FSD1L: variants seen among roughly 807,000 people sequenced by gnomAD.
The protein encoded by FSD1L is FSD1-like protein.
In FSD1L, 45 loss-of-function variants were observed where a neutral mutation model predicts 71.6. The ratio of observed to expected loss-of-function variants is 0.63; its 90% CI spans 0.49 to 0.81. The LOEUF is 0.81. FSD1L is among the 30% of genes least tolerant of loss of function. FSD1L has a pLI of 0.00. For synonymous variants in FSD1L, 197 were observed against 207.2 expected, an observed-to-expected ratio of 0.95 and a Z score of 0.42; for missense variants, 561 against 618.1, an observed-to-expected ratio of 0.91 and a Z score of 0.98.
chr9:105,520,699 G>T lies in FSD1L; in HGVS notation c.1025+7763G>T, dbSNP rs541146894. On this transcript the variant is annotated intron_variant, in intron 10 of 13. Transcript: ENST00000481272. ...AATAACTGTAGCAAAGAACAGCTCTGGATGTTTTCATGCTTAATCCCTGGA... is the reference window on the plus strand; with the variant it reads ...AATAACTGTAGCAAAGAACAGCTCTTGATGTTTTCATGCTTAATCCCTGGA... 8 of 1,613,114 alleles carry T rather than the reference G, an allele frequency of 5.0e-6. No individual in the cohort carries two copies. In the African/African-American group the frequency reaches 8.0e-5, roughly 16 times the overall value.
intron 7 of FSD1L, among the ~76,000 whole-genome samples, chr9:105,498,274 C>G (rs1028621662): frequency 1.3e-5 from 2 of 150,954 alleles, no homozygotes; most frequent in Non-Finnish European, 3.0e-5. Context: ...TTTAGATCTT[C>G]TTTTCTAATA....
At chr9:105,499,858 G>C (rs1367160896) in intron 7 of FSD1L, among the ~76,000 whole-genome samples, 1 of 152,012 alleles carries the variant, frequency 6.6e-6, no homozygotes, top group East Asian at 1.9e-4. Context: ...TGGATATTCT[G>C]TTCTGTGGGG....
rs1417158372 is a variant in FSD1L at position 105,526,031 on chromosome 9, A to T, written c.1026-8462A>T. The T allele has an allele frequency of 2.7e-6, 4 of 1,509,348 alleles. No homozygotes were observed. The Admixed American group carries it at 6.7e-5, about 25-fold the overall frequency. The allele number at this position is 1,509,348 out of a possible 1,614,324, so 93.5% of individuals were successfully genotyped here. A position where few individuals can be genotyped will look rare whatever the true frequency, so the allele number is the denominator to read the frequency against. ...GGAATTATTCCCACAGAATTTGGTG[A>T]TGTCCTTATTGTAATATATCCAATG... On this transcript the variant is annotated intron_variant, in intron 10 of 13. Transcript: ENST00000481272.
chr9:105,471,496 G>A (rs997031419), intron 4 of FSD1L, among the ~76,000 whole-genome samples: 6 of 151,942 alleles, frequency 3.9e-5, no homozygotes, highest in African/African-American at 1.5e-4. Context: ...TTGCCATTTA[G>A]GTTTAGAAAA....
chr9:105,478,945 A>G (rs1175230752), intron 5 of FSD1L, among the ~76,000 whole-genome samples: 1 of 152,220 alleles, frequency 6.6e-6, no homozygotes, highest in Non-Finnish European at 1.5e-5. Flanking sequence ...CTGAAGAAAA[A>G]TTAGAGAGTA....
intron 12 of FSD1L, among the ~76,000 whole-genome samples, chr9:105,537,728 G>A (rs185232044): frequency 3.3e-5 from 5 of 152,180 alleles, no homozygotes; most frequent in East Asian, 1.9e-4. Flanking sequence ...GGAAGAGATC[G>A]AAAGCATAGC....
At chr9:105,442,454 A>T in the FSD1L span, among the ~76,000 whole-genome samples, 1 of 151,968 alleles carries the variant, frequency 6.6e-6, no homozygotes, top group Non-Finnish European at 1.5e-5. Context: ...CAAGGTGGGC[A>T]GATTGCTTGA....
At chr9:105,464,913 G>A (rs1415005713) in intron 3 of FSD1L, among the ~76,000 whole-genome samples, 5 of 152,264 alleles carry the variant, frequency 3.3e-5, no homozygotes, top group Middle Eastern at 3.4e-3. Context: ...CCAGGACGTC[G>A]AGGCTGCAGT....
intron 9 of FSD1L, among the ~76,000 whole-genome samples, chr9:105,509,646 A>G (rs1486187844): frequency 2.0e-5 from 3 of 152,208 alleles, no homozygotes; most frequent in African/African-American, 7.2e-5. Flanking sequence ...AAATCATATA[A>G]TAAAACAAAA....
intron 10 of FSD1L, chr9:105,523,189 A>C: frequency 6.8e-6 from 11 of 1,613,646 alleles, no homozygotes; most frequent in Non-Finnish European, 9.3e-6. Flanking sequence ...TTCTCTGCTG[A>C]AGTTGCAACT....
At chr9:105,533,054 A>G (rs946689758) in intron 10 of FSD1L, among the ~76,000 whole-genome samples, 1 of 152,160 alleles carries the variant, frequency 6.6e-6, no homozygotes, top group African/African-American at 2.4e-5. Flanking sequence ...TACTCAGTTG[A>G]TCTTTTCTTA....
At chr9:105,522,218 G>A in intron 10 of FSD1L, 1 of 1,613,730 alleles carries the variant, frequency 6.2e-7, no homozygotes, top group Non-Finnish European at 8.5e-7. Context: ...TGACCTATTG[G>A]GAAGAGTTGG....
chr9:105,512,278 A>T (rs1834439232), intron 9 of FSD1L, among the ~76,000 whole-genome samples: 1 of 151,972 alleles, frequency 6.6e-6, no homozygotes, highest in South Asian at 2.1e-4. Context: ...CAGCTGGGCC[A>T]GTTTCCTTGT....
At chr9:105,529,628 G>C (rs891097559) in intron 10 of FSD1L, among the ~76,000 whole-genome samples, 7 of 152,046 alleles carry the variant, frequency 4.6e-5, no homozygotes, top group Non-Finnish European at 8.8e-5. Flanking sequence ...TCGGGGTGGG[G>C]GTCTAGAGGT....
intron 10 of FSD1L, among the ~76,000 whole-genome samples, 185 bp downstream of exon 10, chr9:105,513,121 C>CT (rs549895959): frequency 1.3e-5 from 2 of 151,914 alleles, no homozygotes; most frequent in South Asian, 2.1e-4. Context: ...TTTTTTATTA[C>CT]TTTTTTTTAG....
intron 10 of FSD1L, among the ~76,000 whole-genome samples, chr9:105,515,610 A>G (rs888146624): frequency 6.6e-6 from 1 of 152,102 alleles, no homozygotes; most frequent in African/African-American, 2.4e-5. Context: ...ACCCAAGGGA[A>G]GCCATGAGGG....
At chr9:105,542,295 T>C (rs1177819695) in intron 13 of FSD1L, among the ~76,000 whole-genome samples, 1 of 152,178 alleles carries the variant, frequency 6.6e-6, no homozygotes, top group Non-Finnish European at 1.5e-5. Context: ...TGTTAAGCCA[T>C]TTTAATAGGT....
chr9:105,460,615 G>C (rs1038610747), intron 1 of FSD1L, among the ~76,000 whole-genome samples: 1 of 147,276 alleles, frequency 6.8e-6, no homozygotes, highest in Non-Finnish European at 1.5e-5. Context: ...AAAAAAGATT[G>C]ACTGTAATCT....
intron 9 of FSD1L, among the ~76,000 whole-genome samples, chr9:105,511,191 T>TA (rs1834374960): frequency 6.9e-6 from 1 of 144,858 alleles, no homozygotes; most frequent in South Asian, 2.2e-4. Context: ...TGGTACTATC[T>TA]ATTTTTTTTT....
Sources: allele counts gnomAD v4.1 joint callset (sites outside exome capture counted in the v4.1 genomes callset), GRCh38; gene constraint gnomAD v4.1.1; transcripts MANE v1.5; gene names NCBI Gene and HGNC (gene_info 2026-07-23, HGNC 2026-07-21).